Variants in KCNT1 observed in about 807,000 individuals in gnomAD.
KCNT1 encodes potassium sodium-activated channel subfamily T member 1, also known as potassium channel subfamily T member 1.
In KCNT1, 78 loss-of-function variants were observed where a neutral mutation model predicts 147.8. The ratio of observed to expected loss-of-function variants is 0.53; its 90% confidence interval spans 0.44 to 0.64. KCNT1 has a LOEUF of 0.64. Among genes scored for constraint, KCNT1 ranks in the 30% least tolerant of loss-of-function variants. The probability of loss-of-function intolerance (pLI) is 0.00; values close to 1 mark genes in which losing one functional copy is unlikely to be tolerated. For synonymous variants in KCNT1, 867 were observed against 748.8 expected (o/e 1.16, Z -2.58); for missense variants, 1,419 against 1,750.3 (o/e 0.81, Z 3.38).
At chr9:135,708,299 A>G (rs553962319) in intron 1 of KCNT1, among the ~76,000 whole-genome samples, 1 of 152,238 alleles carries the variant, frequency 6.6e-6, no homozygotes, top group South Asian at 2.1e-4. Context: ...TTGTACATAC[A>G]TGCATGCAAT....
At position 135,788,223 on chromosome 9, in the gene KCNT1, C is replaced by T. The variant is rs564441410; in HGVS notation, c.3502+1702C>T. On this transcript the variant is annotated intron_variant, in intron 29 of 30. Coordinates refer to ENST00000371757, the MANE Select transcript of KCNT1 (RefSeq NM_020822.3). ...ACGGGGCTCGCCAACCCTTCACCGC[C>T]GGCAGCCTTGCTGCGCCATCCCGGC... is the stretch of plus-strand genomic sequence containing the variant. The T allele has an allele frequency of 2.2e-4, 305 of 1,397,496 alleles. 1 individual carries two copies. The East Asian group carries it at 5.8e-3, about 27-fold the overall frequency. The allele number at this position is 1,397,496 out of a possible 1,614,324, so 86.6% of individuals were successfully genotyped here.
At position 135,752,523 on chromosome 9, in the gene KCNT1, A is replaced by C; in HGVS notation, c.435-1414A>C. 2.2e-6 allele frequency: 1 copy of C among 445,736 alleles called. No homozygotes were observed. Among genetic ancestry groups the C allele is most frequent in the African/African-American group, 2.0e-5 (1 of 49,558 alleles). 27.6% of individuals were successfully genotyped at this position (445,736 alleles called of 1,614,324 possible). The stretch of plus-strand genomic sequence containing the variant: ...TGGTTTCACATCCCCACAGGGCCCA[A>C]GTCTGTTGTGTTCACTGCCCGTCCC... On this transcript the variant is annotated intron_variant, in intron 4 of 30. Coordinates refer to ENST00000371757, the MANE Select transcript of KCNT1 (RefSeq NM_020822.3). This position sits in a 1 kb window ranked among gnomAD's most constrained non-coding sequence, Gnocchi z 5.1.
chr9:135,725,652 G>A (rs572530059), intron 2 of KCNT1, among the ~76,000 whole-genome samples: 62 of 152,300 alleles, frequency 4.1e-4, no homozygotes, highest in African/African-American at 1.5e-3. Context: ...ATGAGAGGGT[G>A]CAGGGGTCAC....
Position 135,792,071 on chromosome 9 carries a change from C to A in KCNT1, c.3618C>A (p.His1206Gln). The A allele has an allele frequency of 6.2e-7, 1 of 1,604,482 alleles. No individual in the cohort carries two copies. Among genetic ancestry groups the A allele is most frequent in the Non-Finnish European group, 8.5e-7 (1 of 1,179,750 alleles). The change falls in exon 31 of 31, where the codon CAC (histidine) becomes CAA (glutamine). Residue 1206 changes from histidine (H) to glutamine (Q), a missense_variant. Physicochemically the swap from His to Gln is conservative, Grantham distance 24. This residue lies in a region of KCNT1 where 306 missense variants were observed against 294.2 expected (regional missense o/e 1.04). Transcript: ENST00000371757. ...TCATCCGCTCCGACCCCCTGGCTCA[C>A]GTGGCCAGCAGCTCCCAGAGCCGGA... ...VYLIRSDPLAHVASSSQSRKS... is the reference protein window; with the variant it reads ...VYLIRSDPLAQVASSSQSRKS...
intron 2 of KCNT1, among the ~76,000 whole-genome samples, chr9:135,738,673 G>T (rs1237109021): frequency 6.6e-6 from 1 of 152,190 alleles, no homozygotes; most frequent in East Asian, 1.9e-4. Context: ...CTGAGCCACA[G>T]GAGGCGTTGT....
At chr9:135,779,313 C>A (rs182573510) in intron 23 of KCNT1, 46 bp from the exon 24 acceptor site, 733 of 1,274,648 alleles carry the variant, frequency 5.8e-4, no homozygotes, top group Non-Finnish European at 7.8e-4. Context: ...CCTGAGACCT[C>A]CTACAACCAC....
At chr9:135,777,921 G>A (rs1319572449) in intron 21 of KCNT1, among the ~76,000 whole-genome samples, 1 of 138,848 alleles carries the variant, frequency 7.2e-6, no homozygotes, top group Non-Finnish European at 1.6e-5. Context: ...GCTCCTCCCT[G>A]CTCCCAGTTC....
intron 11 of KCNT1, among the ~76,000 whole-genome samples, chr9:135,763,850 G>A (rs934451465): frequency 8.5e-5 from 13 of 152,142 alleles, no homozygotes; most frequent in Admixed American, 6.5e-5. Context: ...GGCCCTGGAG[G>A]GTTGCCGTGC....
chr9:135,744,323 C>T (rs1403469824), intron 2 of KCNT1, among the ~76,000 whole-genome samples: 3 of 152,234 alleles, frequency 2.0e-5, no homozygotes, highest in African/African-American at 7.2e-5. Flanking sequence ...CAGAGGGTCC[C>T]GTCTTGGTGT....
chr9:135,762,569 A>T (rs1203794552), intron 11 of KCNT1, among the ~76,000 whole-genome samples: 1 of 151,992 alleles, frequency 6.6e-6, no homozygotes, highest in African/African-American at 2.4e-5. Flanking sequence ...GAAACATGGC[A>T]AAACCCCGTC....
At chr9:135,760,393 G>A (rs1831837040) in intron 11 of KCNT1, among the ~76,000 whole-genome samples, 1 of 152,326 alleles carries the variant, frequency 6.6e-6, no homozygotes, top group African/African-American at 2.4e-5. Flanking sequence ...GGCCTGGACT[G>A]CCTCCGACAC....
intron 24 of KCNT1, among the ~76,000 whole-genome samples, chr9:135,779,789 G>C (rs908121940): frequency 5.2e-5 from 8 of 152,386 alleles, no homozygotes; most frequent in African/African-American, 1.9e-4. Flanking sequence ...GGCATGGTCA[G>C]TTGGTCAGAA....
chr9:135,740,133 C>T (rs1385084967), intron 2 of KCNT1, among the ~76,000 whole-genome samples: 3 of 152,130 alleles, frequency 2.0e-5, no homozygotes, highest in Non-Finnish European at 4.4e-5. Flanking sequence ...GGCCCACCCT[C>T]ATGGCCTCAC....
At chr9:135,715,697 C>T (rs879444358) in intron 2 of KCNT1, among the ~76,000 whole-genome samples, 2 of 151,940 alleles carry the variant, frequency 1.3e-5, no homozygotes, top group African/African-American at 2.4e-5. Flanking sequence ...CTGCTGAAAC[C>T]GCAGCTGAAA....
intron 11 of KCNT1, among the ~76,000 whole-genome samples, chr9:135,760,701 C>T (rs1396751708): frequency 6.6e-6 from 1 of 152,234 alleles, no homozygotes; most frequent in African/African-American, 2.4e-5. Context: ...CTCTTCTCCT[C>T]ACTATATCCA....
At chr9:135,704,924 CCAGGAGTGGCCACAGTAACAGCT>C in intron 1 of KCNT1, among the ~76,000 whole-genome samples, 1 of 152,166 alleles carries the variant, frequency 6.6e-6, no homozygotes. Context: ...CTGCTGTGGC[CCAGGAGTGGCCACAGTAACAGCT>C]CAGGAGGACA....
Position 135,795,357 on chromosome 9 carries a change from T to A in KCNT1, c.*3196T>A, listed in dbSNP as rs370206982. On this transcript the variant is annotated 3_prime_UTR_variant, in exon 31 of 31. Transcript: ENST00000371757. ...TACCCAAGAGGCTGAGGAAGGAGGA[T>A]CACCTGAGCTGGGGAGGTTGAGGCT... 36 of 151,876 alleles carry A rather than the reference T, an allele frequency of 2.4e-4. No homozygotes were observed. Among genetic ancestry groups the A allele is most frequent in the East Asian group, 1.2e-3 (6 of 5,170 alleles). 9.4% of individuals were successfully genotyped at this position (151,876 alleles called of 1,614,324 possible). A position where few individuals can be genotyped will look rare whatever the true frequency, so the allele number is the denominator to read the frequency against.
At chr9:135,729,497 A>T (rs1372903775) in intron 2 of KCNT1, among the ~76,000 whole-genome samples, 1 of 152,076 alleles carries the variant, frequency 6.6e-6, no homozygotes, top group Non-Finnish European at 1.5e-5. Context: ...GCCTCATGGG[A>T]CCCTCTGCAG....
intron 1 of KCNT1, among the ~76,000 whole-genome samples, chr9:135,704,517 C>T (rs544655916): frequency 6.8e-4 from 103 of 152,216 alleles, no homozygotes; most frequent in African/African-American, 2.4e-3. Flanking sequence ...CCCAGGCCCT[C>T]AGCTGCCTCC....
Sources: gnomAD v4.1 joint callset for allele counts (sites outside exome capture counted in the v4.1 genomes callset) on GRCh38, gnomAD v4.1.1 for gene constraint, gnomAD v4.1.1 regional missense constraint, Gnocchi (gnomAD v3.1) non-coding constraint, MANE v1.5 for transcripts, NCBI Gene and HGNC (gene_info 2026-07-23, HGNC 2026-07-21) for gene names.